LRCH2: variants seen among roughly 807,000 people sequenced by gnomAD.
LRCH2 encodes leucine rich repeats and calponin homology domain containing 2, also known as leucine-rich repeat and calponin homology domain-containing protein 2.
LRCH2 carries 38 observed loss-of-function variants against 68.9 expected under a neutral mutation model. The ratio of observed to expected loss-of-function variants is 0.55; its 90% CI spans 0.43 to 0.72. The LOEUF (loss-of-function observed/expected upper bound fraction) is 0.72, where lower values mean the gene tolerates loss of function less well. LRCH2 is among the 30% of genes least tolerant of loss of function. The pLI is 0.00. For missense variants in LRCH2, 528 were observed against 572.9 expected (o/e 0.92, Z 0.80); for synonymous variants, 191 against 208.1 (o/e 0.92, Z 0.71).
intron 14 of LRCH2, among the ~76,000 whole-genome samples, chrX:115,139,405 A>G (rs1556533267): frequency 8.9e-6 from 1 of 112,409 alleles, no homozygotes; most frequent in African/African-American, 3.2e-5. Context: ...AATAAATCAA[A>G]TAATATTTAA....
intron 11 of LRCH2, among the ~76,000 whole-genome samples, chrX:115,160,688 T>C (rs1339336117): frequency 1.8e-5 from 2 of 112,181 alleles, no homozygotes; most frequent in Non-Finnish European, 3.8e-5. Flanking sequence ...CAATTTTAAA[T>C]AGCATTTCAG....
At chrX:115,181,258 T>C (rs1230540632) in intron 3 of LRCH2, among the ~76,000 whole-genome samples, 1 of 111,595 alleles carries the variant, frequency 9.0e-6, no homozygotes, top group Non-Finnish European at 1.9e-5. Flanking sequence ...TTCTGAGAGA[T>C]GTGGGCAGGA....
At position 115,193,259 on chromosome X, in the gene LRCH2, A is replaced by G. The variant is rs782217007; in HGVS notation, c.350-4889T>C. ...TCTACTGGGTGATTTCATCCAACCT[A>G]GATCCAAATTATATTTACATACCGA... On this transcript the variant is annotated intron_variant, in intron 1 of 20. Transcript: ENST00000317135. Among the ~76,000 whole-genome samples the G allele has an allele frequency of 3.6e-5, 4 of 112,476 alleles. No homozygotes were observed. The South Asian group carries it at 1.5e-3, about 41-fold the overall frequency.
intron 5 of LRCH2, 48 bp from the exon 6 acceptor site, chrX:115,170,480 G>A: frequency 1.0e-6 from 1 of 957,149 alleles, no homozygotes; most frequent in Non-Finnish European, 1.4e-6. Context: ...AAATATAAAT[G>A]ACATCTATCA....
intron 5 of LRCH2, among the ~76,000 whole-genome samples, chrX:115,174,592 C>CA (rs1491421173): frequency 4.0e-4 from 3 of 7,448 alleles, no homozygotes; most frequent in African/African-American, 5.1e-4. Flanking sequence ...CACAAACACA[C>CA]CCCCCCCCCC....
intron 1 of LRCH2, chrX:115,192,192 AG>A: frequency 1.7e-6 from 2 of 1,164,228 alleles, no homozygotes; most frequent in South Asian, 3.8e-5. Context: ...AGGAATACCA[AG>A]GCCGCTCGCC....
chrX:115,206,565 G>T (rs1422936678), intron 1 of LRCH2, among the ~76,000 whole-genome samples: 2 of 112,224 alleles, frequency 1.8e-5, no homozygotes, highest in African/African-American at 6.5e-5. Flanking sequence ...CTTTATTTCA[G>T]CCCATCCCTT....
At chrX:115,192,070 T>C in intron 1 of LRCH2, 1 of 1,158,009 alleles carries the variant, frequency 8.6e-7, no homozygotes. Flanking sequence ...CAGGGGCCGA[T>C]CGCCCGATGC....
intron 14 of LRCH2, among the ~76,000 whole-genome samples, chrX:115,139,302 GTACTATATT>G (rs1191546094): frequency 8.1e-5 from 9 of 111,567 alleles, no homozygotes; most frequent in African/African-American, 2.9e-4. Context: ...TAAAAATAGT[GTACTATATT>G]TATGAAATCA....
At chrX:115,122,942 A>G in intron 18 of LRCH2, 45 bp from the exon 19 acceptor site, 2 of 1,121,548 alleles carry the variant, frequency 1.8e-6, no homozygotes, top group Non-Finnish European at 2.4e-6. Flanking sequence ...CTAAACATAC[A>G]TGTTAAATGT....
At chrX:115,129,661 A>G (rs1237554186) in intron 15 of LRCH2, among the ~76,000 whole-genome samples, 5 of 111,681 alleles carry the variant, frequency 4.5e-5, no homozygotes, top group African/African-American at 1.6e-4. Flanking sequence ...ACAAAACTTA[A>G]GTATTTATGG....
chrX:115,184,904 T>C (rs1309345968), intron 2 of LRCH2, among the ~76,000 whole-genome samples: 1 of 111,935 alleles, frequency 8.9e-6, no homozygotes, highest in East Asian at 2.8e-4. Flanking sequence ...CCCAGAATGA[T>C]TCCTCCGAGC....
chrX:115,215,399 G>A (rs1320864426), intron 1 of LRCH2, among the ~76,000 whole-genome samples: 1 of 110,889 alleles, frequency 9.0e-6, no homozygotes, highest in African/African-American at 3.3e-5. Flanking sequence ...CGACCAAGAC[G>A]CATATGAAAA....
At chrX:115,128,657 TA>T (rs1418688128) in intron 15 of LRCH2, among the ~76,000 whole-genome samples, 1 of 112,076 alleles carries the variant, frequency 8.9e-6, no homozygotes, top group Non-Finnish European at 1.9e-5. Context: ...AATGAAAAAG[TA>T]GCCATAGGCA....
chrX:115,182,803 AC>A (rs1415868457), intron 3 of LRCH2, among the ~76,000 whole-genome samples: 3 of 83,053 alleles, frequency 3.6e-5, no homozygotes. Flanking sequence ...ACTGCACTCC[AC>A]CCTGGGCGAC....
chrX:115,166,148 A>G (rs1198398895), intron 7 of LRCH2, 107 bp downstream of exon 7: 2 of 658,815 alleles, frequency 3.0e-6, no homozygotes, highest in Non-Finnish European at 2.3e-6. Flanking sequence ...ATAAAATATA[A>G]TGATCATATT....
At chrX:115,120,232 C>CA (rs1440139997) in intron 20 of LRCH2, among the ~76,000 whole-genome samples, 1 of 93,912 alleles carries the variant, frequency 1.1e-5, no homozygotes, top group Non-Finnish European at 2.1e-5. Flanking sequence ...AGTGAACAGG[C>CA]AACCTACAAA....
intron 20 of LRCH2, among the ~76,000 whole-genome samples, chrX:115,121,234 G>T (rs1162136918): frequency 9.1e-6 from 1 of 110,082 alleles, no homozygotes; most frequent in Non-Finnish European, 1.9e-5. Context: ...AGAAAAAATG[G>T]CAAAACGGGA....
chrX:115,166,464 T>G (rs1380504144), intron 6 of LRCH2, 122 bp from the exon 7 acceptor site: 9 of 451,650 alleles, frequency 2.0e-5, no homozygotes, highest in Middle Eastern at 6.1e-4. Flanking sequence ...GATCCTTAAT[T>G]AGGGACATGA....
Sources: allele counts gnomAD v4.1 joint callset (sites outside exome capture counted in the v4.1 genomes callset), GRCh38; gene constraint gnomAD v4.1.1; transcripts MANE v1.5; gene names NCBI Gene and HGNC (gene_info 2026-07-23, HGNC 2026-07-21).